ADGRE3: variants seen among roughly 807,000 people sequenced by gnomAD.
The protein encoded by ADGRE3 is adhesion G protein-coupled receptor E3.
In ADGRE3, 88 loss-of-function variants were observed where a neutral mutation model predicts 80.1. The ratio of observed to expected loss-of-function variants is 1.10; its 90% CI spans 0.93 to 1.31. The LOEUF is 1.31. ADGRE3 is among the 40% of genes most tolerant of loss of function. The pLI, the probability that ADGRE3 is intolerant of heterozygous loss-of-function variation, is 0.00. For synonymous variants in ADGRE3, 281 were observed against 294.8 expected, an observed-to-expected ratio of 0.95 and a Z score of 0.48; for missense variants, 715 against 776.5, an observed-to-expected ratio of 0.92 and a Z score of 0.94.
At chr19:14,650,638 TCTCTCTCTC>T (rs1568490839) in intron 7 of ADGRE3, among the ~76,000 whole-genome samples, 11,388 of 86,362 alleles carry the variant, frequency 0.13, 852 homozygotes, top group East Asian at 0.2. Flanking sequence ...CATCTCTCTC[TCTCTCTCTC>T]TCTCTCTCTC....
Position 14,651,205 on chromosome 19 carries a change from C to T in ADGRE3, c.578-1G>A. Reference sequence around the variant, plus strand: ...TCTGTAATCGCTTGAGTTTCAATAGCTGGTAAGAAAAGCAATGGGCAGGCT... The same window carrying T: ...TCTGTAATCGCTTGAGTTTCAATAGTTGGTAAGAAAAGCAATGGGCAGGCT... On this transcript the variant is annotated splice_acceptor_variant, in intron 6 of 15. Coordinates refer to ENST00000253673, the MANE Select transcript of ADGRE3 (RefSeq NM_032571.5). LOFTEE classifies it high-confidence loss of function. 1 of 1,614,004 alleles carries T rather than the reference C, an allele frequency of 6.2e-7. No homozygotes were observed. Among genetic ancestry groups the T allele is most frequent in the South Asian group, 1.1e-5 (1 of 91,082 alleles).
intron 2 of ADGRE3, among the ~76,000 whole-genome samples, chr19:14,667,641 G>A (rs972642141): frequency 1.1e-4 from 17 of 151,916 alleles, no homozygotes; most frequent in African/African-American, 4.1e-4. Flanking sequence ...GTTGAACAAC[G>A]AGAACATTTG....
chr19:14,607,865 T>A, the ADGRE3 span, among the ~76,000 whole-genome samples: 3 of 151,620 alleles, frequency 2.0e-5, no homozygotes, highest in Admixed American at 2.0e-4. Context: ...GGTGAGCCAC[T>A]GCGCCCAACC....
intron 3 of ADGRE3, among the ~76,000 whole-genome samples, 157 bp downstream of exon 3, chr19:14,663,261 C>T (rs1972001912): frequency 6.6e-6 from 1 of 151,938 alleles, no homozygotes; most frequent in Non-Finnish European, 1.5e-5. Flanking sequence ...CCTAGGCCTC[C>T]CCAAGTGCTG....
At chr19:14,613,222 G>C in the ADGRE3 span, among the ~76,000 whole-genome samples, 1 of 148,876 alleles carries the variant, frequency 6.7e-6, no homozygotes, top group African/African-American at 2.5e-5. Context: ...CACCATGCCT[G>C]GCCTTATTTT....
chr19:14,621,044 A>C (rs1035397980), intron 15 of ADGRE3, among the ~76,000 whole-genome samples: 1 of 150,328 alleles, frequency 6.7e-6, no homozygotes, highest in Admixed American at 6.6e-5. Flanking sequence ...TTTGAGACAG[A>C]GTTTCATTCT....
chr19:14,672,699 T>G (rs1379618621), intron 1 of ADGRE3, among the ~76,000 whole-genome samples: 1 of 152,148 alleles, frequency 6.6e-6, no homozygotes, highest in African/African-American at 2.4e-5. Flanking sequence ...AACCTTGAAC[T>G]CCTGAGCTCA....
At position 14,619,211 on chromosome 19, in the gene ADGRE3, G is replaced by A. The variant is rs973968858; in HGVS notation, c.*222C>T. On this transcript the variant is annotated 3_prime_UTR_variant, in exon 16 of 16. Coordinates refer to ENST00000253673, the MANE Select transcript of ADGRE3 (RefSeq NM_032571.5). The stretch of plus-strand genomic sequence containing the variant: ...CAGTGGTCATGCTTTGGGTTTCCAG[G>A]GACAAGCATTGACTGAATACACCAT... The A allele has an allele frequency of 3.8e-6, 2 of 520,786 alleles. No individual in the cohort carries two copies. Among genetic ancestry groups the A allele is most frequent in the Non-Finnish European group, 6.7e-6 (2 of 297,194 alleles). 32.3% of individuals were successfully genotyped at this position (520,786 alleles called of 1,614,324 possible). A position where few individuals can be genotyped will look rare whatever the true frequency, so the allele number is the denominator to read the frequency against.
intron 5 of ADGRE3, among the ~76,000 whole-genome samples, chr19:14,658,079 T>C (rs1971824850): frequency 6.6e-6 from 1 of 152,056 alleles, no homozygotes; most frequent in Non-Finnish European, 1.5e-5. Context: ...AATACTGTAG[T>C]TTTGATTCAC....
chr19:14,603,758 G>C, the ADGRE3 span, among the ~76,000 whole-genome samples: 247 of 152,172 alleles, frequency 1.6e-3, 2 homozygotes, highest in Non-Finnish European at 1.5e-3. Flanking sequence ...GAGCCACCGT[G>C]CCCTAACCCA....
chr19:14,630,096 G>A lies in ADGRE3; in HGVS notation c.1755C>T (p.Ile585=). 1 of 1,612,520 alleles carries A rather than the reference G, an allele frequency of 6.2e-7. No homozygotes were observed. ...AAQVMAYLFT[I]INSLQGFFIF... ...TGAAGAAGCCTTGGAGGCTGTTGAT[G>A]ATGGTGAAGAGGTAGGCCATGACCT... Residue 585 remains isoleucine (I), a synonymous_variant, in exon 14 of 16, where the codon ATC becomes ATT. Transcript: ENST00000253673.
chr19:14,623,949 C>T (rs569880259), intron 15 of ADGRE3, among the ~76,000 whole-genome samples: 171 of 152,254 alleles, frequency 1.1e-3, no homozygotes, highest in Non-Finnish European at 2.1e-3. Context: ...CTTCCTCATA[C>T]CCTCCAGGAA....
chr19:14,652,658 A>G (rs536592785), intron 6 of ADGRE3, among the ~76,000 whole-genome samples: 206 of 151,662 alleles, frequency 1.4e-3, no homozygotes, highest in African/African-American at 4.7e-3. Context: ...GGCACCTTTA[A>G]TCCCAGCTAC....
Position 14,639,814 on chromosome 19 carries a change from T to C in ADGRE3, c.1249-1474A>G, listed in dbSNP as rs548542723. 2.4e-4 allele frequency among the ~76,000 whole-genome samples: 36 copies of C among 152,312 alleles called. No homozygotes were observed. The South Asian group carries it at 5.0e-3, about 21-fold the overall frequency. On this transcript the variant is annotated intron_variant, in intron 10 of 15. Transcript: ENST00000253673. Reference sequence around the variant, plus strand: ...TGCCTAAAAGCAGGACATACGTTTTTGTACTTGTCTTTTTTGGGGGGTGAG... The same window carrying C: ...TGCCTAAAAGCAGGACATACGTTTTCGTACTTGTCTTTTTTGGGGGGTGAG...
chr19:14,623,428 A>C (rs988622224), intron 15 of ADGRE3, among the ~76,000 whole-genome samples: 4 of 152,166 alleles, frequency 2.6e-5, no homozygotes, highest in Non-Finnish European at 5.9e-5. Flanking sequence ...TCATTTATTC[A>C]AAAAGCCAAA....
chr19:14,666,316 A>G (rs569005252), intron 2 of ADGRE3, among the ~76,000 whole-genome samples: 4 of 149,614 alleles, frequency 2.7e-5, no homozygotes, highest in African/African-American at 9.8e-5. Context: ...TTGCATTGTG[A>G]TTTCGATTTG....
intron 7 of ADGRE3, among the ~76,000 whole-genome samples, chr19:14,650,566 T>C (rs545156773): frequency 6.7e-6 from 1 of 149,714 alleles, no homozygotes; most frequent in Admixed American, 6.8e-5. Context: ...CCATCTCTCT[T>C]TACCCATCTG....
intron 14 of ADGRE3, among the ~76,000 whole-genome samples, chr19:14,627,350 A>AT (rs1970762327): frequency 6.6e-6 from 1 of 152,222 alleles, no homozygotes; most frequent in Non-Finnish European, 1.5e-5. Context: ...TACTCGTTAT[A>AT]TAAACAAAAT....
chr19:14,636,130 C>CTTTA (rs1272525138), intron 11 of ADGRE3, among the ~76,000 whole-genome samples: 1 of 78,414 alleles, frequency 1.3e-5, no homozygotes, highest in African/African-American at 4.4e-5. Flanking sequence ...TTCTTTCTTT[C>CTTTA]TTTCTTTCTT....
Sources: allele counts gnomAD v4.1 joint callset (sites outside exome capture counted in the v4.1 genomes callset), GRCh38; gene constraint gnomAD v4.1.1; transcripts MANE v1.5; gene names NCBI Gene and HGNC (gene_info 2026-07-23, HGNC 2026-07-21).